The following RALGPS2 variants were observed in gnomAD, a reference collection of about 807,000 sequenced individuals.
RALGPS2 encodes ras-specific guanine nucleotide-releasing factor RalGPS2.
In RALGPS2, 43 loss-of-function variants were observed where a neutral mutation model predicts 86.8. The ratio of observed to expected loss-of-function variants is 0.50; its 90% CI spans 0.39 to 0.64. RALGPS2 has a LOEUF of 0.64. Among genes scored for constraint, RALGPS2 ranks in the 30% least tolerant of loss-of-function variants. The pLI, the probability that RALGPS2 is intolerant of heterozygous loss-of-function variation, is 0.00. For missense variants in RALGPS2, 536 were observed against 694.6 expected (o/e 0.77, Z 2.57); for synonymous variants, 243 against 231.3 (o/e 1.05, Z -0.46).
At chr1:178,814,523 C>A (rs1655137810) in intron 6 of RALGPS2, among the ~76,000 whole-genome samples, 1 of 152,176 alleles carries the variant, frequency 6.6e-6, no homozygotes, top group South Asian at 2.1e-4. Flanking sequence ...GCATCCTTGA[C>A]CTTCTGGGCC....
At chr1:178,776,326 A>G (rs1653080359) in intron 1 of RALGPS2, among the ~76,000 whole-genome samples, 1 of 152,286 alleles carries the variant, frequency 6.6e-6, no homozygotes, top group African/African-American at 2.4e-5. Context: ...CTAAAAATTT[A>G]TTGTGTTGTG....
chr1:178,845,880 T>C (rs1225308734), intron 8 of RALGPS2, among the ~76,000 whole-genome samples: 1 of 152,196 alleles, frequency 6.6e-6, no homozygotes, highest in East Asian at 1.9e-4. Flanking sequence ...CTCTTTTCTA[T>C]ATCCTGGAAG....
At chr1:178,812,922 T>G (rs1008394720) in intron 6 of RALGPS2, among the ~76,000 whole-genome samples, 16 of 147,600 alleles carry the variant, frequency 1.1e-4, no homozygotes, top group African/African-American at 1.8e-4. Context: ...ATATGTTAGG[T>G]AAATACTTTT....
chr1:178,851,517 T>A (rs1310658544), intron 8 of RALGPS2, among the ~76,000 whole-genome samples: 1 of 152,106 alleles, frequency 6.6e-6, no homozygotes, highest in Non-Finnish European at 1.5e-5. Context: ...TGCCTTTTTT[T>A]AACTCTTTGC....
intron 17 of RALGPS2, 138 bp from the exon 18 acceptor site, chr1:178,901,968 A>G (rs1660196297): frequency 1.6e-6 from 1 of 620,800 alleles, no homozygotes; most frequent in East Asian, 2.8e-5. Context: ...AAAAGGCCCC[A>G]GGCTGGCTGA....
At position 178,870,047 on chromosome 1, in the gene RALGPS2, T is replaced by C. The variant is rs991947232; in HGVS notation, c.608-7451T>C. Among the ~76,000 whole-genome samples, 4 of 152,176 alleles carry C rather than the reference T, an allele frequency of 2.6e-5. No homozygotes were observed. In the South Asian group the frequency reaches 8.3e-4, roughly 31 times the overall value. ...CATAATGCTTTTGTGTGTATATCAATAACTTAGCTTTTCCAAGTGATTCCA... is the reference window on the plus strand; with the variant it reads ...CATAATGCTTTTGTGTGTATATCAACAACTTAGCTTTTCCAAGTGATTCCA... On this transcript the variant is annotated intron_variant, in intron 8 of 19. Coordinates refer to ENST00000367635, the MANE Select transcript of RALGPS2 (RefSeq NM_152663.5).
At chr1:178,853,342 A>G (rs1473109621) in intron 8 of RALGPS2, among the ~76,000 whole-genome samples, 1 of 152,170 alleles carries the variant, frequency 6.6e-6, no homozygotes, top group African/African-American at 2.4e-5. Flanking sequence ...TAATCTTTGT[A>G]AAGTAGTAAG....
chr1:178,783,100 A>G (rs571009141), intron 2 of RALGPS2, among the ~76,000 whole-genome samples: 2 of 152,328 alleles, frequency 1.3e-5, no homozygotes, highest in East Asian at 1.9e-4. Flanking sequence ...GTCTCTAATG[A>G]AAAAAAGCGT....
At chr1:178,874,042 T>C (rs1046894917) in intron 8 of RALGPS2, among the ~76,000 whole-genome samples, 6 of 152,040 alleles carry the variant, frequency 3.9e-5, no homozygotes, top group African/African-American at 1.4e-4. Context: ...AATACTATTA[T>C]TTAATCCACA....
intron 8 of RALGPS2, among the ~76,000 whole-genome samples, chr1:178,840,368 C>T (rs1656532888): frequency 6.6e-6 from 1 of 152,186 alleles, no homozygotes; most frequent in African/African-American, 2.4e-5. Flanking sequence ...CGCTCAACTA[C>T]ATGGAAACTG....
intron 8 of RALGPS2, among the ~76,000 whole-genome samples, chr1:178,834,323 C>A (rs1656166896): frequency 6.6e-6 from 1 of 152,032 alleles, no homozygotes; most frequent in South Asian, 2.1e-4. Flanking sequence ...TCCTCCCCAC[C>A]CCCCAGATTT....
At chr1:178,739,728 A>G (rs920058418) in intron 1 of RALGPS2, among the ~76,000 whole-genome samples, 5 of 152,328 alleles carry the variant, frequency 3.3e-5, no homozygotes, top group Admixed American at 1.3e-4. Flanking sequence ...AAGAGATCCA[A>G]AAGGTGACAG....
intron 8 of RALGPS2, chr1:178,851,182 C>T (rs1162739258): frequency 6.2e-7 from 1 of 1,613,882 alleles, no homozygotes; most frequent in East Asian, 2.2e-5. Context: ...TATGACCCGC[C>T]TCTGTATTCG....
chr1:178,815,267 G>A (rs561452420), intron 6 of RALGPS2, among the ~76,000 whole-genome samples: 1 of 151,320 alleles, frequency 6.6e-6, no homozygotes, highest in South Asian at 2.1e-4. Flanking sequence ...TTTTTTTTTA[G>A]TAGGACAGGG....
At chr1:178,761,166 G>A (rs1403794025) in intron 1 of RALGPS2, among the ~76,000 whole-genome samples, 1 of 151,874 alleles carries the variant, frequency 6.6e-6, no homozygotes, top group Non-Finnish European at 1.5e-5. Context: ...GTAGAGACAG[G>A]GTTTCGGCCA....
chr1:178,897,528 A>G, intron 16 of RALGPS2, 136 bp from the exon 17 acceptor site: 1 of 658,910 alleles, frequency 1.5e-6, no homozygotes, highest in South Asian at 2.0e-5. Context: ...TTAAGATTTC[A>G]GAAGTGATAC....
At chr1:178,904,908 G>T (rs571065851) in intron 18 of RALGPS2, among the ~76,000 whole-genome samples, 3 of 152,192 alleles carry the variant, frequency 2.0e-5, no homozygotes, top group African/African-American at 7.2e-5. Context: ...TTTTGATGGC[G>T]ATTGCATTGA....
chr1:178,809,403 T>C (rs949414612), intron 5 of RALGPS2, among the ~76,000 whole-genome samples: 4 of 152,034 alleles, frequency 2.6e-5, no homozygotes, highest in African/African-American at 7.2e-5. Flanking sequence ...GTCACCGAGA[T>C]AGGAAATCCT....
At chr1:178,808,878 TTC>T (rs1253983105) in intron 5 of RALGPS2, among the ~76,000 whole-genome samples, 1 of 152,208 alleles carries the variant, frequency 6.6e-6, no homozygotes, top group Non-Finnish European at 1.5e-5. Flanking sequence ...AATTAATTTT[TTC>T]TTTTTTTAGA....
Sources: gnomAD v4.1 joint callset for allele counts (sites outside exome capture counted in the v4.1 genomes callset) on GRCh38, gnomAD v4.1.1 for gene constraint, MANE v1.5 for transcripts, NCBI Gene and HGNC (gene_info 2026-07-23, HGNC 2026-07-21) for gene names.